Variants in ANO3 observed in about 807,000 individuals in gnomAD.
ANO3 encodes the protein anoctamin 3, also known as anoctamin-3.
Under a neutral mutation model 144.8 loss-of-function variants are expected in ANO3, and 99 were observed. The observed-to-expected ratio is 0.68, with a 90% CI of 0.58 to 0.81. The LOEUF (loss-of-function observed/expected upper bound fraction) is 0.81. Ranked by LOEUF, ANO3 falls within the 30% of genes least tolerant of loss-of-function variation. The probability of loss-of-function intolerance (pLI) is 0.00; values close to 1 mark genes in which losing one functional copy is unlikely to be tolerated. For synonymous variants in ANO3, 414 were observed against 392.6 expected, an observed-to-expected ratio of 1.05 and a Z score of -0.64; for missense variants, 905 against 1,202.2, an observed-to-expected ratio of 0.75 and a Z score of 3.66.
chr11:26,619,349 C>A (rs914444951), intron 17 of ANO3, among the ~76,000 whole-genome samples: 3 of 152,076 alleles, frequency 2.0e-5, no homozygotes, highest in African/African-American at 7.2e-5. Flanking sequence ...CTAATACAAT[C>A]AAAATTTGGT....
At chr11:26,232,373 G>C (rs77484941) in intron 1 of ANO3, among the ~76,000 whole-genome samples, 2,307 of 152,190 alleles carry the variant, frequency 0.015, 49 homozygotes, top group East Asian at 0.12. Context: ...CAGAAAAACA[G>C]AGTCAAGAGG....
At chr11:26,465,357 CAT>C (rs1183405382) in intron 4 of ANO3, among the ~76,000 whole-genome samples, 1 of 151,542 alleles carries the variant, frequency 6.6e-6, no homozygotes, top group Non-Finnish European at 1.5e-5. Context: ...CTTATAGCAT[CAT>C]ATGTGACAAT....
intron 26 of ANO3, among the ~76,000 whole-genome samples, chr11:26,657,186 A>G (rs1168852386): frequency 6.6e-6 from 1 of 152,176 alleles, no homozygotes; most frequent in East Asian, 1.9e-4. Context: ...GAGAAAAGGT[A>G]GCTATGACTA....
rs1484204359 is a variant in ANO3, at chr11:26,661,977, G to A, written c.*1533G>A. 6.6e-6 allele frequency: 1 copy of A among 152,024 alleles called. No homozygotes were observed. Among genetic ancestry groups the A allele is most frequent in the Non-Finnish European group, 1.5e-5 (1 of 67,976 alleles). The allele number at this position is 152,024 out of a possible 1,614,324, so 9.4% of individuals were successfully genotyped here. On this transcript the variant is annotated 3_prime_UTR_variant, in exon 27 of 27. Coordinates refer to ENST00000256737, the MANE Select transcript of ANO3 (RefSeq NM_031418.4). ...GTTATTATTTGTCCAATCAAGCAAA[G>A]CACCATTATTTCTAACATATAAAAG...
At chr11:26,523,310 T>C (rs1450419911) in intron 6 of ANO3, among the ~76,000 whole-genome samples, 3 of 152,166 alleles carry the variant, frequency 2.0e-5, no homozygotes, top group African/African-American at 7.2e-5. Flanking sequence ...TAGTTCATCA[T>C]AGATTCACCT....
intron 1 of ANO3, among the ~76,000 whole-genome samples, chr11:26,374,738 A>G (rs887088735): frequency 2.0e-5 from 3 of 151,996 alleles, no homozygotes; most frequent in Non-Finnish European, 4.4e-5. Context: ...TTTATTGTGC[A>G]CTTTCTTTTT....
intron 1 of ANO3, among the ~76,000 whole-genome samples, chr11:26,310,857 T>A (rs1854487998): frequency 6.6e-6 from 1 of 152,206 alleles, no homozygotes. Flanking sequence ...AGACGGTAAC[T>A]GAAGATCAAT....
intron 14 of ANO3, among the ~76,000 whole-genome samples, chr11:26,582,073 C>T (rs1565121725): frequency 6.6e-6 from 1 of 152,166 alleles, no homozygotes; most frequent in Non-Finnish European, 1.5e-5. Context: ...ATTTTATCAT[C>T]ATTTAGTAAT....
chr11:26,516,110 A>C (rs1020187882), intron 5 of ANO3, among the ~76,000 whole-genome samples: 13 of 151,874 alleles, frequency 8.6e-5, no homozygotes, highest in Middle Eastern at 3.2e-3. Context: ...TAGCAGTATG[A>C]TCAAAATATG....
At chr11:26,509,597 G>C (rs1861576079) in intron 5 of ANO3, among the ~76,000 whole-genome samples, 1 of 152,152 alleles carries the variant, frequency 6.6e-6, no homozygotes, top group South Asian at 2.1e-4. Flanking sequence ...ACAGGCGTGA[G>C]CTCCTGCGCC....
intron 13 of ANO3, among the ~76,000 whole-genome samples, chr11:26,555,544 A>G (rs1279328171): frequency 6.6e-6 from 1 of 152,180 alleles, no homozygotes; most frequent in Non-Finnish European, 1.5e-5. Flanking sequence ...AAGGACAGGG[A>G]TGACTCACAA....
chr11:26,201,668 A>T (rs1851694890), intron 1 of ANO3, among the ~76,000 whole-genome samples: 1 of 152,032 alleles, frequency 6.6e-6, no homozygotes, highest in Non-Finnish European at 1.5e-5. Context: ...GTTCAAGAAT[A>T]TAGAAACCCT....
chr11:26,513,080 G>T (rs1256264531), intron 5 of ANO3, among the ~76,000 whole-genome samples: 2 of 152,012 alleles, frequency 1.3e-5, no homozygotes, highest in African/African-American at 4.8e-5. Context: ...AAAAAGAGAG[G>T]GTATAAGAAA....
At chr11:26,567,129 A>G (rs569918362) in intron 14 of ANO3, 7 of 1,432,824 alleles carry the variant, frequency 4.9e-6, no homozygotes, top group South Asian at 1.6e-5. Flanking sequence ...CACAATGGCT[A>G]GTAACAGAAG....
chr11:26,562,701 T>G (rs746836899), intron 14 of ANO3, among the ~76,000 whole-genome samples: 1 of 151,832 alleles, frequency 6.6e-6, no homozygotes, highest in African/African-American at 2.4e-5. Flanking sequence ...TGTATAAACT[T>G]TAAAAGAGCT....
chr11:26,606,519 C>T (rs11029637), intron 17 of ANO3, among the ~76,000 whole-genome samples: 1 of 151,740 alleles, frequency 6.6e-6, no homozygotes, highest in African/African-American at 2.4e-5. Flanking sequence ...CTAATATTGA[C>T]AGTGGGGTGT....
chr11:26,446,303 T>C (rs895260729), intron 3 of ANO3, among the ~76,000 whole-genome samples: 1 of 152,224 alleles, frequency 6.6e-6, no homozygotes, highest in African/African-American at 2.4e-5. Context: ...AGTTACATTC[T>C]CTAAGTTTGC....
chr11:26,503,964 C>T (rs1861303339), intron 4 of ANO3, among the ~76,000 whole-genome samples: 1 of 152,134 alleles, frequency 6.6e-6, no homozygotes, highest in African/African-American at 2.4e-5. Flanking sequence ...CAACATTTGC[C>T]TTCACCTGGG....
At chr11:26,576,275 ACTT>A (rs1414645429) in intron 14 of ANO3, among the ~76,000 whole-genome samples, 1 of 152,160 alleles carries the variant, frequency 6.6e-6, no homozygotes, top group African/African-American at 2.4e-5. Flanking sequence ...AAGTGACACT[ACTT>A]CTTAGTTGTG....
Sources: allele counts gnomAD v4.1 joint callset (sites outside exome capture counted in the v4.1 genomes callset), GRCh38; gene constraint gnomAD v4.1.1; transcripts MANE v1.5; gene names NCBI Gene and HGNC (gene_info 2026-07-23, HGNC 2026-07-21).